Variants in LRRC7 observed in about 807,000 individuals in gnomAD.
The protein encoded by LRRC7 is leucine-rich repeat-containing protein 7.
LRRC7 carries 23 observed loss-of-function variants against 175.7 expected under a neutral mutation model. The ratio of observed to expected loss-of-function variants is 0.13; its 90% confidence interval spans 0.09 to 0.19. LRRC7 has a LOEUF of 0.19. Ranked by LOEUF, LRRC7 falls within the 10% of genes least tolerant of loss-of-function variation. The probability of loss-of-function intolerance (pLI) is 1.00; values close to 1 mark genes in which losing one functional copy is unlikely to be tolerated. For synonymous variants in LRRC7, 685 were observed against 680.9 expected (o/e 1.01, Z -0.09); for missense variants, 1,354 against 1,904.7 (o/e 0.71, Z 5.38).
intron 1 of LRRC7, among the ~76,000 whole-genome samples, chr1:69,587,465 A>C (rs1431402830): frequency 6.6e-6 from 1 of 152,134 alleles, no homozygotes; most frequent in East Asian, 1.9e-4. Flanking sequence ...ATACAGGCCT[A>C]TATAGGACAC....
rs1391933622 is a variant in LRRC7 at position 70,143,836 on chromosome 1, T to TAAA, written c.*21953_*21955dup. 6.6e-6 allele frequency: 1 copy of TAAA among 152,206 alleles called. No individual in the cohort carries two copies. Among genetic ancestry groups the TAAA allele is most frequent in the East Asian group, 1.9e-4 (1 of 5,206 alleles). 9.4% of individuals were successfully genotyped at this position (152,206 alleles called of 1,614,324 possible). A position where few individuals can be genotyped will look rare whatever the true frequency, so the allele number is the denominator to read the frequency against. ...TGTGATTTTGAGCTTAAATTATATA[T>TAAA]AAAAAATTGTCATTTTTGTATGTGT... On this transcript the variant is annotated 3_prime_UTR_variant, in exon 27 of 27. Transcript: ENST00000651989.
chr1:70,039,599 A>C lies in LRRC7; in HGVS notation c.3775A>C (p.Arg1259=). The C allele has an allele frequency of 6.2e-7, 1 of 1,614,118 alleles. No individual in the cohort carries two copies. The highest frequency in any genetic ancestry group is 1.7e-5 in the Admixed American group (1 of 60,032). ...GASQTRPVSA[R]PTMAALLEKI... Reference sequence around the variant, plus strand: ...CTCCCAAACCAGGCCAGTTTCAGCTAGGCCTACTATGGCAGCTCTTTTGGA... The same window carrying C: ...CTCCCAAACCAGGCCAGTTTCAGCTCGGCCTACTATGGCAGCTCTTTTGGA... The change falls in exon 21 of 27, where the codon AGG becomes CGG. Residue 1259 remains arginine (R), a synonymous_variant. Coordinates refer to ENST00000651989, the MANE Select transcript of LRRC7 (RefSeq NM_001370785.2).
chr1:69,789,709 T>C (rs762909591), intron 3 of LRRC7, among the ~76,000 whole-genome samples: 1 of 152,104 alleles, frequency 6.6e-6, no homozygotes, highest in African/African-American at 2.4e-5. Context: ...CAAAAATATT[T>C]CTTCAGTATG....
intron 2 of LRRC7, among the ~76,000 whole-genome samples, chr1:69,687,528 A>G (rs1455780293): frequency 7.0e-6 from 1 of 143,098 alleles, no homozygotes; most frequent in African/African-American, 2.8e-5. Context: ...ACCAAAAAAA[A>G]AAAAAAAAAA....
At chr1:69,746,054 A>G (rs1374597842) in intron 2 of LRRC7, among the ~76,000 whole-genome samples, 3 of 151,888 alleles carry the variant, frequency 2.0e-5, no homozygotes, top group Admixed American at 6.6e-5. Flanking sequence ...TCACCCAAAT[A>G]TATTTCACAT....
At chr1:70,097,466 A>AT (rs922173956) in intron 25 of LRRC7, among the ~76,000 whole-genome samples, 3 of 152,004 alleles carry the variant, frequency 2.0e-5, no homozygotes, top group Non-Finnish European at 2.9e-5. Context: ...TTTTTTTACC[A>AT]TTTTTTTATT....
intron 1 of LRRC7, among the ~76,000 whole-genome samples, chr1:69,614,541 T>C (rs1026991377): frequency 6.6e-6 from 1 of 152,050 alleles, no homozygotes; most frequent in Non-Finnish European, 1.5e-5. Context: ...CCCTGGCCTC[T>C]GAGGCACGTT....
chr1:69,569,504 G>C (rs1295438970), intron 1 of LRRC7, among the ~76,000 whole-genome samples: 3 of 151,956 alleles, frequency 2.0e-5, no homozygotes, highest in Non-Finnish European at 4.4e-5. Flanking sequence ...TTAGCATTAA[G>C]GTAATCATGG....
chr1:70,041,550 G>A (rs1009587866), intron 21 of LRRC7, among the ~76,000 whole-genome samples: 2 of 152,174 alleles, frequency 1.3e-5, no homozygotes, highest in African/African-American at 2.4e-5. Context: ...CTTGGAGGGC[G>A]AAAATATTTG....
chr1:70,076,919 C>T (rs1447690200), intron 24 of LRRC7, among the ~76,000 whole-genome samples: 1 of 152,058 alleles, frequency 6.6e-6, no homozygotes, highest in Non-Finnish European at 1.5e-5. Flanking sequence ...TGTTTTAGTT[C>T]CTTAGGACTG....
chr1:69,585,608 ATATG>A (rs1192997768), intron 1 of LRRC7, among the ~76,000 whole-genome samples: 60 of 152,336 alleles, frequency 3.9e-4, no homozygotes, highest in African/African-American at 1.3e-3. Flanking sequence ...AATTCCCATC[ATATG>A]TATAAGTATC....
intron 1 of LRRC7, among the ~76,000 whole-genome samples, chr1:69,613,073 A>G (rs1305575766): frequency 6.6e-6 from 1 of 152,036 alleles, no homozygotes; most frequent in Non-Finnish European, 1.5e-5. Context: ...TGAACTTTCA[A>G]TCACTGTCTT....
intron 7 of LRRC7, among the ~76,000 whole-genome samples, chr1:69,922,679 C>T (rs1457963891): frequency 6.6e-6 from 1 of 152,116 alleles, no homozygotes; most frequent in Non-Finnish European, 1.5e-5. Context: ...AACTAATCAT[C>T]TCAAAATTAC....
At chr1:69,930,719 T>C (rs184046489) in intron 7 of LRRC7, among the ~76,000 whole-genome samples, 75 of 152,308 alleles carry the variant, frequency 4.9e-4, no homozygotes, top group African/African-American at 1.8e-3. Flanking sequence ...CAGTTCCACA[T>C]GGCTGGGCAG....
At chr1:69,902,524 T>C (rs1288107443) in intron 7 of LRRC7, among the ~76,000 whole-genome samples, 5 of 152,136 alleles carry the variant, frequency 3.3e-5, no homozygotes, top group Non-Finnish European at 5.9e-5. Context: ...TGAGCTGAGA[T>C]TGCCATTGCA....
chr1:69,998,605 C>T (rs1655238310), intron 11 of LRRC7, among the ~76,000 whole-genome samples: 1 of 76,960 alleles, frequency 1.3e-5, no homozygotes, highest in African/African-American at 1.0e-4. Flanking sequence ...TGGGTCAATA[C>T]TCGGGGAAAC....
intron 7 of LRRC7, among the ~76,000 whole-genome samples, chr1:69,868,469 A>G (rs2101567911): frequency 6.6e-6 from 1 of 152,272 alleles, no homozygotes; most frequent in Non-Finnish European, 1.5e-5. Flanking sequence ...AGTCAGATGA[A>G]GAGAGCGGTG....
intron 2 of LRRC7, among the ~76,000 whole-genome samples, chr1:69,727,188 G>A (rs12092597): frequency 0.041 from 6,273 of 152,244 alleles, 440 homozygotes; most frequent in African/African-American, 0.14. Flanking sequence ...TCAAGGGCAG[G>A]GCCCAGAGAG....
At chr1:69,687,577 T>C (rs1325327752) in intron 2 of LRRC7, among the ~76,000 whole-genome samples, 1 of 144,430 alleles carries the variant, frequency 6.9e-6, no homozygotes, top group Non-Finnish European at 1.6e-5. Context: ...AAATTATTAT[T>C]TTTATAGAGA....
Sources: gnomAD v4.1 joint callset for allele counts (sites outside exome capture counted in the v4.1 genomes callset) on GRCh38, gnomAD v4.1.1 for gene constraint, MANE v1.5 for transcripts, NCBI Gene and HGNC (gene_info 2026-07-23, HGNC 2026-07-21) for gene names.